NRG1: variants seen among roughly 807,000 people sequenced by gnomAD.
NRG1 encodes the protein neuregulin 1.
In NRG1, 18 loss-of-function variants were observed where a neutral mutation model predicts 63.8. That is an observed-to-expected ratio of 0.28 (90% CI 0.19 to 0.42). The LOEUF (loss-of-function observed/expected upper bound fraction) is 0.42. Ranked by LOEUF, NRG1 falls within the 10% of genes least tolerant of loss-of-function variation. The probability of loss-of-function intolerance (pLI) is 1.00; values close to 1 mark genes in which losing one functional copy is unlikely to be tolerated. For missense variants in NRG1, 762 were observed against 814.7 expected, an observed-to-expected ratio of 0.94 and a Z score of 0.79; for synonymous variants, 302 against 301.3, an observed-to-expected ratio of 1.00 and a Z score of -0.02.
chr8:31,984,420 G>T (rs1470009372), intron 1 of NRG1, among the ~76,000 whole-genome samples: 1 of 152,044 alleles, frequency 6.6e-6, no homozygotes, highest in Non-Finnish European at 1.5e-5. Context: ...ATTTCGAAAT[G>T]CTGGCAAGTC....
In NRG1 at chr8:31,981,803, A is replaced by G. The variant is rs191448566; in HGVS notation, c.37+342372A>G. On this transcript the variant is annotated intron_variant, in intron 1 of 10. Coordinates refer to the NRG1 transcript ENST00000519301. ...AATAATCAATCAATCTCATAATTAA[A>G]TGTAATTTTAAATAAGAGCTTACAA... Among the ~76,000 whole-genome samples the G allele has an allele frequency of 3.0e-4, 46 of 152,078 alleles. 2 individuals are homozygous for G. The highest frequency in any genetic ancestry group is 7.8e-4 in the East Asian group (4 of 5,138).
rs555336850 is a variant in NRG1 at position 32,197,682 on chromosome 8, T to G, written c.38-398146T>G. 3.9e-5 allele frequency among the ~76,000 whole-genome samples: 6 copies of G among 152,328 alleles called. No individual in the cohort carries two copies. The South Asian group carries it at 1.2e-3, about 32-fold the overall frequency. On this transcript the variant is annotated intron_variant, in intron 1 of 10. Coordinates refer to the NRG1 transcript ENST00000519301. ...GGCTTATTGTCCGACTTTAAGCCAG[T>G]CATTTCAGTTAAACAAACAAAAATG...
In NRG1 at chr8:32,213,192, G is replaced by A. The variant is rs916953885; in HGVS notation, c.38-382636G>A. 1.1e-4 allele frequency among the ~76,000 whole-genome samples: 16 copies of A among 152,084 alleles called. No individual in the cohort carries two copies. The South Asian group carries it at 1.2e-3, about 12-fold the overall frequency. Reference sequence around the variant, plus strand: ...GTTCACTGCAGCACTCTTCACAATAGCAAAGACATGGAATTTACCCAAATA... The same window carrying A: ...GTTCACTGCAGCACTCTTCACAATAACAAAGACATGGAATTTACCCAAATA... On this transcript the variant is annotated intron_variant, in intron 1 of 10. Transcript: ENST00000519301.
intron 1 of NRG1, among the ~76,000 whole-genome samples, chr8:32,261,285 A>G (rs1850335780): frequency 6.6e-6 from 1 of 152,094 alleles, no homozygotes; most frequent in Admixed American, 6.6e-5. Flanking sequence ...GATCTAATTC[A>G]GAATAACACG....
intron 1 of NRG1, among the ~76,000 whole-genome samples, chr8:32,086,251 TATCTC>T (rs1483388439): frequency 6.6e-6 from 1 of 152,258 alleles, no homozygotes; most frequent in African/African-American, 2.4e-5. Context: ...GAAACTTTCT[TATCTC>T]AATTAAAAAT....
chr8:31,651,466 G>T (rs1259630836), intron 1 of NRG1, among the ~76,000 whole-genome samples: 1 of 152,184 alleles, frequency 6.6e-6, no homozygotes, highest in Non-Finnish European at 1.5e-5. Context: ...CTAATAATTA[G>T]CACTGTTGCT....
At chr8:32,688,160 A>T (rs971028855) in intron 5 of NRG1, among the ~76,000 whole-genome samples, 2 of 152,218 alleles carry the variant, frequency 1.3e-5, no homozygotes, top group African/African-American at 4.8e-5. Context: ...AACAAGGCAT[A>T]AGGCTACCAA....
At chr8:31,776,558 C>T (rs1241136336) in intron 1 of NRG1, among the ~76,000 whole-genome samples, 1 of 152,032 alleles carries the variant, frequency 6.6e-6, no homozygotes, top group African/African-American at 2.4e-5. Context: ...TATTATTATA[C>T]TTTAAGTTTT....
chr8:32,420,717 G>C (rs536506596), intron 1 of NRG1, among the ~76,000 whole-genome samples: 1 of 152,076 alleles, frequency 6.6e-6, no homozygotes, highest in Non-Finnish European at 1.5e-5. Flanking sequence ...AATCCAAATA[G>C]GGCTTTATGA....
chr8:32,506,225 G>T (rs1409195952), intron 1 of NRG1, among the ~76,000 whole-genome samples: 2 of 152,130 alleles, frequency 1.3e-5, no homozygotes, highest in African/African-American at 4.8e-5. Flanking sequence ...TCCAGCCTGG[G>T]CAAGACCTTG....
chr8:32,619,098 C>A (rs1847878543), intron 5 of NRG1, among the ~76,000 whole-genome samples: 1 of 152,088 alleles, frequency 6.6e-6, no homozygotes, highest in Non-Finnish European at 1.5e-5. Flanking sequence ...CTTGTAGTCC[C>A]ACCTTCTTGG....
Position 31,970,913 on chromosome 8 carries a change from G to A in NRG1, c.37+331482G>A, listed in dbSNP as rs529906056. On this transcript the variant is annotated intron_variant, in intron 1 of 10. Transcript: ENST00000519301. ...ATATCAAAACAACTTGCGCGGTGGC[G>A]GGCGCCTGTAGTCCCAGCTACTCGG... 1.0e-3 allele frequency among the ~76,000 whole-genome samples: 154 copies of A among 152,112 alleles called. 1 individual carries two copies. The highest frequency in any genetic ancestry group is 2.1e-3 in the Admixed American group (32 of 15,286).
At chr8:32,071,752 T>C (rs549477956) in intron 1 of NRG1, among the ~76,000 whole-genome samples, 1 of 152,292 alleles carries the variant, frequency 6.6e-6, no homozygotes, top group East Asian at 1.9e-4. Context: ...AATGGAGTGG[T>C]TGAGCCCAGA....
chr8:31,646,710 T>A (rs1804322166), intron 1 of NRG1, among the ~76,000 whole-genome samples: 1 of 152,050 alleles, frequency 6.6e-6, no homozygotes, highest in Non-Finnish European at 1.5e-5. Flanking sequence ...TGTTGAATAA[T>A]TAATGAATAA....
At chr8:31,864,878 G>A (rs1299556193) in intron 1 of NRG1, among the ~76,000 whole-genome samples, 1 of 152,146 alleles carries the variant, frequency 6.6e-6, no homozygotes, top group Non-Finnish European at 1.5e-5. Flanking sequence ...GCTGAAGTGT[G>A]TGCAAGAGAT....
intron 1 of NRG1, among the ~76,000 whole-genome samples, chr8:31,697,239 T>G (rs1433500030): frequency 6.6e-6 from 1 of 152,200 alleles, no homozygotes; most frequent in African/African-American, 2.4e-5. Flanking sequence ...ATTGAATCAT[T>G]GGAGACCAAT....
intron 5 of NRG1, among the ~76,000 whole-genome samples, chr8:32,683,887 GA>G (rs1216006912): frequency 0.13 from 18,532 of 141,502 alleles, 3,000 homozygotes; most frequent in African/African-American, 0.39. Flanking sequence ...TTTGCTTCTT[GA>G]AAAAAAAAAA....
At chr8:32,407,515 G>A (rs1587437786) in intron 1 of NRG1, among the ~76,000 whole-genome samples, 1 of 152,094 alleles carries the variant, frequency 6.6e-6, no homozygotes, top group East Asian at 1.9e-4. Context: ...TAAGAGGGAT[G>A]TCTAACATCA....
chr8:31,642,446 C>CTT (rs1803888974), intron 1 of NRG1, among the ~76,000 whole-genome samples: 1 of 152,070 alleles, frequency 6.6e-6, no homozygotes, highest in African/African-American at 2.4e-5. Flanking sequence ...GTTAGTTATA[C>CTT]CTTTTAACTA....
Sources: allele counts gnomAD v4.1 joint callset (sites outside exome capture counted in the v4.1 genomes callset), GRCh38; gene constraint gnomAD v4.1.1; transcripts MANE v1.5; gene names NCBI Gene and HGNC (gene_info 2026-07-23, HGNC 2026-07-21).